DSCAML1: variants seen among roughly 807,000 people sequenced by gnomAD.
DSCAML1 encodes the protein cell adhesion molecule DSCAML1.
DSCAML1 carries 38 observed loss-of-function variants against 200.5 expected under a neutral mutation model. The ratio of observed to expected loss-of-function variants is 0.19; its 90% CI spans 0.15 to 0.25. The LOEUF (loss-of-function observed/expected upper bound fraction) is 0.25. DSCAML1 is among the 10% of genes least tolerant of loss of function. The pLI is 1.00. For missense variants in DSCAML1, 2,223 were observed against 2,858.8 expected, an observed-to-expected ratio of 0.78 and a Z score of 5.07; for synonymous variants, 1,215 against 1,165.0, an observed-to-expected ratio of 1.04 and a Z score of -0.87.
chr11:117,490,274 C>T (rs374228235), intron 11 of DSCAML1, among the ~76,000 whole-genome samples: 1 of 152,200 alleles, frequency 6.6e-6, no homozygotes, highest in African/African-American at 2.4e-5. Flanking sequence ...ACTCGCAGGC[C>T]GGCTCCTGTC....
chr11:117,626,603 T>G (rs1292798442), intron 3 of DSCAML1, among the ~76,000 whole-genome samples: 1 of 152,168 alleles, frequency 6.6e-6, no homozygotes, highest in African/African-American at 2.4e-5. Context: ...GCCTGCCTTC[T>G]CATGGAACGG....
At chr11:117,776,234 C>T (rs1443371594) in intron 3 of DSCAML1, among the ~76,000 whole-genome samples, 1 of 152,172 alleles carries the variant, frequency 6.6e-6, no homozygotes, top group African/African-American at 2.4e-5. Context: ...AACCCAATTT[C>T]CCAACATCAG....
chr11:117,678,147 A>T (rs1355584229), intron 3 of DSCAML1, among the ~76,000 whole-genome samples: 1 of 152,180 alleles, frequency 6.6e-6, no homozygotes, highest in African/African-American at 2.4e-5. Context: ...GCAGCCGCTA[A>T]GTACAATGAC....
At chr11:117,721,874 C>T (rs1404284448) in intron 3 of DSCAML1, among the ~76,000 whole-genome samples, 2 of 149,986 alleles carry the variant, frequency 1.3e-5, no homozygotes, top group Admixed American at 6.6e-5. Flanking sequence ...GGCGCGATCT[C>T]GGCTCACTGA....
At chr11:117,776,150 G>T (rs1488016785) in intron 3 of DSCAML1, among the ~76,000 whole-genome samples, 1 of 152,172 alleles carries the variant, frequency 6.6e-6, no homozygotes, top group Admixed American at 6.5e-5. Context: ...CAACCCCAGA[G>T]AGGTAAAAGG....
At chr11:117,539,127 G>T (rs1406183683) in intron 3 of DSCAML1, among the ~76,000 whole-genome samples, 2 of 152,094 alleles carry the variant, frequency 1.3e-5, no homozygotes, top group Non-Finnish European at 2.9e-5. Flanking sequence ...AAACTCTACG[G>T]CAGTTTTGTC....
intron 1 of DSCAML1, among the ~76,000 whole-genome samples, chr11:117,784,377 C>T (rs1432717917): frequency 2.0e-5 from 3 of 152,158 alleles, no homozygotes; most frequent in Non-Finnish European, 4.4e-5. Context: ...CCCTGCCTGC[C>T]AAGGGAGTAA....
At chr11:117,644,128 C>T (rs1214561655) in intron 3 of DSCAML1, among the ~76,000 whole-genome samples, 1 of 152,212 alleles carries the variant, frequency 6.6e-6, no homozygotes, top group African/African-American at 2.4e-5. Flanking sequence ...GGGCTCAGGG[C>T]CGCCCGGTCG....
chr11:117,725,613 C>T (rs1451035768), intron 3 of DSCAML1, among the ~76,000 whole-genome samples: 1 of 152,194 alleles, frequency 6.6e-6, no homozygotes, highest in Non-Finnish European at 1.5e-5. Flanking sequence ...TTCCGATCAG[C>T]TGCTGCTCAG....
At chr11:117,723,606 T>C (rs2054074487) in intron 3 of DSCAML1, among the ~76,000 whole-genome samples, 1 of 152,236 alleles carries the variant, frequency 6.6e-6, no homozygotes, top group Non-Finnish European at 1.5e-5. Flanking sequence ...GTGTTCAAAA[T>C]GACCCATTCC....
At chr11:117,598,388 C>T (rs371574086) in intron 3 of DSCAML1, among the ~76,000 whole-genome samples, 1 of 152,166 alleles carries the variant, frequency 6.6e-6, no homozygotes, top group Non-Finnish European at 1.5e-5. Context: ...CATTAACTTG[C>T]CCAAGGTTGA....
rs542744881 is a variant in DSCAML1 at position 117,518,586 on chromosome 11, C to G, written c.1390G>C (p.Gly464Arg). 6.2e-7 allele frequency: 1 copy of G among 1,613,924 alleles called. No individual in the cohort carries two copies. The highest frequency in any genetic ancestry group is 8.5e-7 in the Non-Finnish European group (1 of 1,180,016). Residue 464 changes from glycine to arginine, a missense_variant, in exon 7 of 33, where the codon GGC becomes CGC. Coordinates refer to ENST00000651296, the MANE Select transcript of DSCAML1 (RefSeq NM_020693.4). The surrounding 1 kb of genome is among the most constrained non-coding windows in gnomAD (Gnocchi z 6.3). ...HRTNQYTMSD[G>R]TTISHMNVTG... ...ACGTTCATGTGGCTGATGGTGGTGC[C>G]GTCCGACATGGTGTACTGGTTGGTG...
chr11:117,443,639 A>G (rs2048115161), intron 21 of DSCAML1, among the ~76,000 whole-genome samples: 1 of 152,150 alleles, frequency 6.6e-6, no homozygotes, highest in South Asian at 2.1e-4. Context: ...GGACTCGGGA[A>G]CTGAGTGCAC....
intron 3 of DSCAML1, among the ~76,000 whole-genome samples, chr11:117,715,971 G>C (rs2053945472): frequency 2.6e-5 from 4 of 152,186 alleles, no homozygotes. Context: ...CCCAGCTCAG[G>C]GTGTTGATTT....
At chr11:117,787,985 C>T (rs1319184533) in intron 1 of DSCAML1, among the ~76,000 whole-genome samples, 6 of 152,188 alleles carry the variant, frequency 3.9e-5, no homozygotes, top group Admixed American at 6.5e-5. Flanking sequence ...GATCCTCCCA[C>T]CGGCTCACCC....
intron 3 of DSCAML1, among the ~76,000 whole-genome samples, chr11:117,597,234 C>T (rs892982422): frequency 1.3e-5 from 2 of 152,172 alleles, no homozygotes; most frequent in Non-Finnish European, 2.9e-5. Context: ...GGGGAGCACT[C>T]GAGAGCCACT....
Position 117,469,236 on chromosome 11 carries a change from G to A in DSCAML1, c.3024+674C>T, listed in dbSNP as rs542425692. 2.0e-5 allele frequency among the ~76,000 whole-genome samples: 3 copies of A among 152,308 alleles called. No homozygotes were observed. Among genetic ancestry groups the A allele is most frequent in the Non-Finnish European group, 2.9e-5 (2 of 68,032 alleles). ...AGTTGGTAAAGAGAAAGCACTTGGA[G>A]ACTGGAGGATGCAGTGAGACAGGAA... On this transcript the variant is annotated intron_variant, in intron 16 of 32. Transcript: ENST00000651296. This position sits in a 1 kb window ranked among gnomAD's most constrained non-coding sequence, Gnocchi z 4.1.
At chr11:117,681,250 G>T (rs1258773264) in intron 3 of DSCAML1, among the ~76,000 whole-genome samples, 1 of 152,144 alleles carries the variant, frequency 6.6e-6, no homozygotes, top group Non-Finnish European at 1.5e-5. Context: ...CACCTAGTGT[G>T]GTCCCTGAGC....
At chr11:117,745,572 G>A (rs569958974) in intron 3 of DSCAML1, among the ~76,000 whole-genome samples, 1 of 152,180 alleles carries the variant, frequency 6.6e-6, no homozygotes, top group African/African-American at 2.4e-5. Flanking sequence ...GGGGCTGGGG[G>A]CTATGGGATG....
Sources: allele counts gnomAD v4.1 joint callset (sites outside exome capture counted in the v4.1 genomes callset), GRCh38; gene constraint gnomAD v4.1.1; non-coding constraint Gnocchi (gnomAD v3.1); transcripts MANE v1.5; gene names NCBI Gene and HGNC (gene_info 2026-07-23, HGNC 2026-07-21).